The following AHI1 variants were observed in gnomAD, a reference collection of about 807,000 sequenced individuals.
The protein encoded by AHI1 is Abelson helper integration site 1.
AHI1 carries 123 observed loss-of-function variants against 149.3 expected under a neutral mutation model. The observed-to-expected ratio is 0.82, with a 90% CI of 0.71 to 0.96. The LOEUF (loss-of-function observed/expected upper bound fraction) is 0.96. AHI1 is among the 40% of genes least tolerant of loss of function. The pLI is 0.00. For missense variants in AHI1, 1,439 were observed against 1,422.7 expected, an observed-to-expected ratio of 1.01 and a Z score of -0.18; for synonymous variants, 475 against 459.8, an observed-to-expected ratio of 1.03 and a Z score of -0.42.
rs969653915 is a variant in AHI1, at chr6:135,297,371, G to A, written c.3485+3129C>T. Reference sequence around the variant, plus strand: ...CATAGCCGTATGCTCCTTTAAACTAGTTCTTTCCCACATCACATCCAAATG... The same window carrying A: ...CATAGCCGTATGCTCCTTTAAACTAATTCTTTCCCACATCACATCCAAATG... On this transcript the variant is annotated intron_variant, in intron 27 of 28. Transcript: ENST00000265602. The A allele has an allele frequency of 4.6e-5, 21 of 454,542 alleles. No homozygotes were observed. In the East Asian group the frequency reaches 1.3e-3, roughly 29 times the overall value. The allele number at this position is 454,542 out of a possible 1,614,324, so 28.2% of individuals were successfully genotyped here.
At chr6:135,361,385 A>AT (rs1356953752) in intron 23 of AHI1, among the ~76,000 whole-genome samples, 1 of 152,020 alleles carries the variant, frequency 6.6e-6, no homozygotes, top group Non-Finnish European at 1.5e-5. Flanking sequence ...ATCCCCTGTT[A>AT]TTTTGTAGTG....
intron 24 of AHI1, among the ~76,000 whole-genome samples, chr6:135,350,436 T>C (rs1235925699): frequency 6.6e-6 from 1 of 152,224 alleles, no homozygotes; most frequent in East Asian, 1.9e-4. Context: ...CTGTTCTTAC[T>C]TATTCTTACA....
At position 135,457,199 on chromosome 6, in the gene AHI1, G is replaced by A. The variant is rs999626672; in HGVS notation, c.1151+295C>T. ...CTTGGGAGGCTGAGGCAGTAGAATCGCTTGAACCCAGGAGGCAGAGGTTGC... is the reference window on the plus strand; with the variant it reads ...CTTGGGAGGCTGAGGCAGTAGAATCACTTGAACCCAGGAGGCAGAGGTTGC... On this transcript the variant is annotated intron_variant, in intron 9 of 28. Coordinates refer to ENST00000265602, the MANE Select transcript of AHI1 (RefSeq NM_001134831.2). Among the ~76,000 whole-genome samples, 13 of 152,220 alleles carry A rather than the reference G, an allele frequency of 8.5e-5. No homozygotes were observed. The East Asian group carries it at 9.6e-4, about 11-fold the overall frequency.
At chr6:135,353,111 A>G (rs533604750) in intron 24 of AHI1, among the ~76,000 whole-genome samples, 32 of 152,238 alleles carry the variant, frequency 2.1e-4, no homozygotes, top group African/African-American at 7.5e-4. Context: ...ACAATTTACA[A>G]TGTCTGGAGA....
chr6:135,376,646 G>A (rs992421067), intron 23 of AHI1, among the ~76,000 whole-genome samples: 1 of 152,002 alleles, frequency 6.6e-6, no homozygotes, highest in African/African-American at 2.4e-5. Flanking sequence ...CACTTTGGGA[G>A]GCCAAGGTGG....
rs535172818 is a variant in AHI1, at chr6:135,477,067, G to C, written c.136-9433C>G. ...TTTTTTTCTTTTTTTTTGAGACAGAGTCTCGCTCTGTCACCTAGGCTGGAG... is the reference window on the plus strand; with the variant it reads ...TTTTTTTCTTTTTTTTTGAGACAGACTCTCGCTCTGTCACCTAGGCTGGAG... On this transcript the variant is annotated intron_variant, in intron 5 of 28. Transcript: ENST00000265602. Among the ~76,000 whole-genome samples, 58 of 148,826 alleles carry C rather than the reference G, an allele frequency of 3.9e-4. 1 individual carries two copies. Among genetic ancestry groups the C allele is most frequent in the Non-Finnish European group, 7.3e-4 (49 of 67,490 alleles).
intron 20 of AHI1, among the ~76,000 whole-genome samples, chr6:135,414,895 G>T (rs368714386): frequency 1.3e-5 from 2 of 151,190 alleles, no homozygotes; most frequent in Admixed American, 1.3e-4. Context: ...ACATGTGCCA[G>T]GCTGGTGTGC....
rs17064562 is a variant in AHI1, at chr6:135,465,716, G to A, written c.749+98C>T. 2.3e-5 allele frequency: 23 copies of A among 1,009,756 alleles called. 1 individual carries two copies. The highest frequency in any genetic ancestry group is 2.8e-5 in the Non-Finnish European group (21 of 742,782). The allele number at this position is 1,009,756 out of a possible 1,614,324, so 62.5% of individuals were successfully genotyped here. A position where few individuals can be genotyped will look rare whatever the true frequency, so the allele number is the denominator to read the frequency against. On this transcript the variant is annotated intron_variant, in intron 7 of 28. Transcript: ENST00000265602. Reference sequence around the variant, plus strand: ...AGTGACAATGTCTCCAAATAAAAGCGTAAGAATTTTCTTTGTTAAACCACA... The same window carrying A: ...AGTGACAATGTCTCCAAATAAAAGCATAAGAATTTTCTTTGTTAAACCACA...
chr6:135,307,016 C>T (rs1374567635), intron 26 of AHI1: 2 of 152,166 alleles, frequency 1.3e-5, no homozygotes, highest in African/African-American at 4.8e-5. Flanking sequence ...AATAGTTCTT[C>T]CCAAACCAGG....
At chr6:135,345,131 G>T (rs1249360216) in intron 24 of AHI1, among the ~76,000 whole-genome samples, 4 of 152,046 alleles carry the variant, frequency 2.6e-5, no homozygotes, top group Non-Finnish European at 5.9e-5. Context: ...AAAATCATGA[G>T]GTGTCACTTC....
intron 20 of AHI1, among the ~76,000 whole-genome samples, chr6:135,413,584 G>GAGGT (rs1286622783): frequency 2.6e-5 from 4 of 152,034 alleles, no homozygotes; most frequent in Non-Finnish European, 5.9e-5. Flanking sequence ...TTCTCACTCT[G>GAGGT]AGGTCCTGGC....
At chr6:135,357,112 G>T (rs1257234554) in intron 24 of AHI1, among the ~76,000 whole-genome samples, 1 of 152,030 alleles carries the variant, frequency 6.6e-6, no homozygotes, top group Admixed American at 6.5e-5. Flanking sequence ...ATAACTTTTT[G>T]TATTTTAGTA....
chr6:135,490,577 TTA>T lies in AHI1; in HGVS notation c.135+44_135+45del. Reference sequence around the variant, plus strand: ...CATAAAATGCAGCCATATCTGCATTTTATGCGCATATGTAAATCACTATTACC... The same window carrying T: ...CATAAAATGCAGCCATATCTGCATTTTGCGCATATGTAAATCACTATTACC... On this transcript the variant is annotated intron_variant, in intron 5 of 28. Coordinates refer to ENST00000265602, the MANE Select transcript of AHI1 (RefSeq NM_001134831.2). The T allele has an allele frequency of 4.3e-6, 7 of 1,609,232 alleles. 1 individual carries two copies. Among genetic ancestry groups the T allele is most frequent in the Middle Eastern group, 3.5e-4 (2 of 5,778 alleles).
At chr6:135,407,441 T>C (rs181130406) in intron 21 of AHI1, among the ~76,000 whole-genome samples, 152 of 152,284 alleles carry the variant, frequency 1.0e-3, no homozygotes, top group Non-Finnish European at 1.7e-3. Flanking sequence ...ATACATACTA[T>C]GTACATTCTG....
chr6:135,475,740 A>G (rs112632224), intron 5 of AHI1, among the ~76,000 whole-genome samples: 1,714 of 152,236 alleles, frequency 0.011, 20 homozygotes, highest in Non-Finnish European at 0.016. Context: ...GAAAGCTTGC[A>G]CCTGGTTTCT....
intron 5 of AHI1, among the ~76,000 whole-genome samples, chr6:135,468,579 C>T (rs1311511737): frequency 6.6e-6 from 1 of 152,104 alleles, no homozygotes; most frequent in Non-Finnish European, 1.5e-5. Flanking sequence ...CGGTGCACAC[C>T]TGTAATCTCA....
chr6:135,350,148 T>A (rs1334469005), intron 24 of AHI1, among the ~76,000 whole-genome samples: 1 of 152,216 alleles, frequency 6.6e-6, no homozygotes, highest in Middle Eastern at 3.2e-3. Context: ...TCCACAGGGC[T>A]AAATTAATTG....
At chr6:135,414,035 C>T (rs1781987405) in intron 20 of AHI1, among the ~76,000 whole-genome samples, 2 of 152,004 alleles carry the variant, frequency 1.3e-5, no homozygotes, top group South Asian at 4.2e-4. Context: ...CCTAGAACAG[C>T]CAAAACAACT....
At chr6:135,364,333 T>C (rs1004467806) in intron 23 of AHI1, among the ~76,000 whole-genome samples, 1 of 146,540 alleles carries the variant, frequency 6.8e-6, no homozygotes, top group Non-Finnish European at 1.5e-5. Flanking sequence ...CCAGATGTGA[T>C]GGCGGCCGGG....
Sources: gnomAD v4.1 joint callset for allele counts (sites outside exome capture counted in the v4.1 genomes callset) on GRCh38, gnomAD v4.1.1 for gene constraint, MANE v1.5 for transcripts, NCBI Gene and HGNC (gene_info 2026-07-23, HGNC 2026-07-21) for gene names.